The following TENM4 variants were observed in gnomAD, a reference collection of about 807,000 sequenced individuals.
TENM4 encodes the protein teneurin transmembrane protein 4, also known as teneurin-4.
In TENM4, 82 loss-of-function variants were observed where a neutral mutation model predicts 243.3. The observed-to-expected ratio is 0.34, with a 90% CI of 0.28 to 0.40. The LOEUF is 0.40. Ranked by LOEUF, TENM4 falls within the 10% of genes least tolerant of loss-of-function variation. The pLI, the probability that TENM4 is intolerant of heterozygous loss-of-function variation, is 1.00. For synonymous variants in TENM4, 1,412 were observed against 1,456.3 expected (o/e 0.97, Z 0.69); for missense variants, 3,138 against 3,673.3 (o/e 0.85, Z 3.77).
chr11:79,347,762 C>CTTTTT (rs528675032), intron 1 of TENM4, among the ~76,000 whole-genome samples: 10 of 94,692 alleles, frequency 1.1e-4, no homozygotes, highest in Non-Finnish European at 1.6e-4. Context: ...CTATCCTCTC[C>CTTTTT]TTTTTTTTTT....
intron 6 of TENM4, among the ~76,000 whole-genome samples, chr11:78,942,316 A>G (rs2136460024): frequency 7.9e-6 from 1 of 126,926 alleles, no homozygotes; most frequent in South Asian, 2.9e-4. Context: ...GCATGGTGGC[A>G]TGCGCCTGTA....
intron 1 of TENM4, among the ~76,000 whole-genome samples, chr11:79,305,611 A>G (rs926562148): frequency 1.3e-5 from 2 of 152,232 alleles, no homozygotes; most frequent in African/African-American, 2.4e-5. Flanking sequence ...CTTTAGAAGG[A>G]GATGCGGAAC....
At chr11:78,863,253 A>AG (rs1490794563) in intron 9 of TENM4, 121 bp from the exon 10 acceptor site, 11 of 1,132,046 alleles carry the variant, frequency 9.7e-6, no homozygotes, top group Non-Finnish European at 1.3e-5. Flanking sequence ...TTCAACAAGT[A>AG]GCCCCAAAAG....
At chr11:79,324,101 C>A (rs1856935930) in intron 1 of TENM4, among the ~76,000 whole-genome samples, 1 of 152,154 alleles carries the variant, frequency 6.6e-6, no homozygotes, top group African/African-American at 2.4e-5. Flanking sequence ...TACTTCAAAT[C>A]ACCTATAGAT....
At chr11:78,668,604 G>C (rs1414574643) in intron 32 of TENM4, among the ~76,000 whole-genome samples, 2 of 152,130 alleles carry the variant, frequency 1.3e-5, no homozygotes, top group Non-Finnish European at 2.9e-5. Context: ...GGTGAAAAAA[G>C]GGCTTTTACG....
intron 1 of TENM4, among the ~76,000 whole-genome samples, chr11:79,322,440 A>G (rs990666781): frequency 1.1e-4 from 17 of 152,198 alleles, no homozygotes; most frequent in African/African-American, 4.1e-4. Flanking sequence ...CTACCCGTTG[A>G]GGCTGTGGTC....
chr11:78,854,335 A>C, intron 11 of TENM4, 21 bp from the exon 12 acceptor site: 3 of 1,480,642 alleles, frequency 2.0e-6, no homozygotes, highest in Non-Finnish European at 2.7e-6. Context: ...GAGAAAGCAC[A>C]GTTAGCAGTG....
intron 27 of TENM4, among the ~76,000 whole-genome samples, chr11:78,707,871 G>A (rs1055146500): frequency 1.3e-5 from 2 of 152,244 alleles, no homozygotes; most frequent in African/African-American, 4.8e-5. Context: ...GAAAGTTACT[G>A]AGTGAGTGAG....
At position 78,774,980 on chromosome 11, in the gene TENM4, CT is replaced by C. The variant is rs1236585762; in HGVS notation, c.2392+3621del. Among the ~76,000 whole-genome samples, 3 of 152,202 alleles carry C rather than the reference CT, an allele frequency of 2.0e-5. No individual in the cohort carries two copies. The East Asian group carries it at 5.8e-4, about 29-fold the overall frequency. Reference sequence around the variant, plus strand: ...ATAGGTCTTATAATCACAAACCATACTTCTGAAAGTGAACCTTGTGAAATAG... The same window carrying C: ...ATAGGTCTTATAATCACAAACCATACTCTGAAAGTGAACCTTGTGAAATAG... On this transcript the variant is annotated intron_variant, in intron 17 of 33. Transcript: ENST00000278550.
intron 1 of TENM4, among the ~76,000 whole-genome samples, chr11:79,387,767 G>A (rs1462150796): frequency 1.3e-5 from 2 of 152,238 alleles, no homozygotes; most frequent in East Asian, 1.9e-4. Flanking sequence ...CACTTTGGGA[G>A]GCCAAGGCAG....
At position 79,049,426 on chromosome 11, in the gene TENM4, C is replaced by T. The variant is rs189473901; in HGVS notation, c.493+15312G>A. Among the ~76,000 whole-genome samples, 11 of 152,308 alleles carry T rather than the reference C, an allele frequency of 7.2e-5. No individual in the cohort carries two copies. The East Asian group carries it at 2.1e-3, about 29-fold the overall frequency. On this transcript the variant is annotated intron_variant, in intron 6 of 33. Transcript: ENST00000278550. ...ACTAGAGAAAGAACTACAAGGCCGT[C>T]CTGAGAAGTATACACTAGGGGGATC...
In TENM4 at chr11:79,362,816, T is replaced by C. The variant is rs139455528; in HGVS notation, c.-320-65273A>G. ...ACCATGGGAGTGTTGGAGGATTAAATGAAATTAACATAGACAAAATGCTTA... is the reference window on the plus strand; with the variant it reads ...ACCATGGGAGTGTTGGAGGATTAAACGAAATTAACATAGACAAAATGCTTA... On this transcript the variant is annotated intron_variant, in intron 1 of 33. Coordinates refer to ENST00000278550, the MANE Select transcript of TENM4 (RefSeq NM_001098816.3). Among the ~76,000 whole-genome samples the C allele has an allele frequency of 2.5e-3, 384 of 152,362 alleles. 4 individuals are homozygous for C. Among genetic ancestry groups the C allele is most frequent in the African/African-American group, 8.3e-3 (346 of 41,592 alleles).
chr11:79,293,647 G>A (rs1314543543), intron 2 of TENM4, among the ~76,000 whole-genome samples: 1 of 152,198 alleles, frequency 6.6e-6, no homozygotes. Flanking sequence ...ACTAAGGGGT[G>A]TTTGGAAAAT....
chr11:79,287,071 T>C (rs1856269633), intron 2 of TENM4, among the ~76,000 whole-genome samples: 1 of 152,222 alleles, frequency 6.6e-6, no homozygotes. Flanking sequence ...TTGCATATGT[T>C]TGTTGCGAAG....
At chr11:78,895,091 C>T (rs1244989311) in intron 7 of TENM4, among the ~76,000 whole-genome samples, 1 of 149,986 alleles carries the variant, frequency 6.7e-6, no homozygotes, top group African/African-American at 2.4e-5. Context: ...CGCCTGTAAT[C>T]CCAGCACTTT....
chr11:79,374,997 G>A (rs1289440440), intron 1 of TENM4, among the ~76,000 whole-genome samples: 1 of 152,176 alleles, frequency 6.6e-6, no homozygotes, highest in Non-Finnish European at 1.5e-5. Context: ...TAGTCCCTGT[G>A]GGAATTCCAT....
At chr11:78,886,523 T>G (rs904377605) in intron 9 of TENM4, among the ~76,000 whole-genome samples, 1 of 152,220 alleles carries the variant, frequency 6.6e-6, no homozygotes, top group Non-Finnish European at 1.5e-5. Flanking sequence ...TGCGTTGGCT[T>G]ATACCAAGCT....
At chr11:79,291,005 T>C (rs1294166355) in intron 2 of TENM4, among the ~76,000 whole-genome samples, 1 of 152,166 alleles carries the variant, frequency 6.6e-6, no homozygotes, top group Non-Finnish European at 1.5e-5. Flanking sequence ...TGAAGAGACA[T>C]GCCAGGGGCT....
At position 79,416,204 on chromosome 11, in the gene TENM4, T is replaced by C. The variant is rs149301883; in HGVS notation, c.-321+24305A>G. 3.0e-3 allele frequency among the ~76,000 whole-genome samples: 461 copies of C among 152,342 alleles called. 1 individual carries two copies. The highest frequency in any genetic ancestry group is 4.8e-3 in the Non-Finnish European group (328 of 68,030). The stretch of plus-strand genomic sequence containing the variant: ...ACAAATAGAGGTGCCTCAAACATTC[T>C]TGTACAGGTCTTTGTATCTCAATAC... On this transcript the variant is annotated intron_variant, in intron 1 of 33. Coordinates refer to ENST00000278550, the MANE Select transcript of TENM4 (RefSeq NM_001098816.3).
Sources: gnomAD v4.1 joint callset for allele counts (sites outside exome capture counted in the v4.1 genomes callset) on GRCh38, gnomAD v4.1.1 for gene constraint, MANE v1.5 for transcripts, NCBI Gene and HGNC (gene_info 2026-07-23, HGNC 2026-07-21) for gene names.